Variants in TUBGCP2 observed in about 807,000 individuals in gnomAD.
The protein encoded by TUBGCP2 is gamma-tubulin complex component 2.
TUBGCP2 carries 55 observed loss-of-function variants against 92.2 expected under a neutral mutation model. That is an observed-to-expected ratio of 0.60 (90% CI 0.48 to 0.75). The LOEUF (loss-of-function observed/expected upper bound fraction) is 0.75, where lower values mean the gene tolerates loss of function less well. TUBGCP2 is among the 30% of genes least tolerant of loss of function. TUBGCP2 has a pLI of 0.00. For missense variants in TUBGCP2, 1,093 were observed against 1,188.9 expected (o/e 0.92, Z 1.19); for synonymous variants, 533 against 505.2 (o/e 1.06, Z -0.74).
intron 9 of TUBGCP2, among the ~76,000 whole-genome samples, chr10:133,289,388 C>T (rs151098716): frequency 1.5e-4 from 23 of 152,320 alleles, no homozygotes; most frequent in African/African-American, 5.3e-4. Flanking sequence ...GTGACGGCCC[C>T]GATGTGCCGA....
At chr10:133,309,377 A>T (rs368439360), upstream of TUBGCP2, 3 of 1,609,892 alleles carry the variant, frequency 1.9e-6, no homozygotes, top group African/African-American at 2.7e-5. Flanking sequence ...CCCACGGCGC[A>T]CTTTTCCTGC....
rs1564939618 is a variant in TUBGCP2, at chr10:133,291,950, C to CAT, written c.1214+548_1214+549insAT. On this transcript the variant is annotated intron_variant, in intron 8 of 17. Transcript: ENST00000252936. ...TCCCCCATGTCCCTCCGTGTCCCTC[C>CAT]GTGTCCCCGTGTCCCGGGGAGCCCT... 1.0e-3 allele frequency among the ~76,000 whole-genome samples: 20 copies of CAT among 19,104 alleles called. 2 individuals are homozygous for CAT. Among genetic ancestry groups the CAT allele is most frequent in the South Asian group, 3.1e-3 (1 of 318 alleles). The allele number at this position is 19,104 out of a possible 152,430, so 12.5% of individuals were successfully genotyped here.
chr10:133,298,118 A>C lies in TUBGCP2; in HGVS notation c.457-7T>G. ...TTCTTTTAAGTTCCAGAGACTAGCA[A>C]GGACATTTTAAAAAACAAAACCAGA... is the stretch of plus-strand genomic sequence containing the variant. On this transcript the variant is annotated splice_region_variant and splice_polypyrimidine_tract_variant and intron_variant, in intron 4 of 17. Transcript: ENST00000252936. 1 of 1,610,390 alleles carries C rather than the reference A, an allele frequency of 6.2e-7. No homozygotes were observed. The highest frequency in any genetic ancestry group is 1.1e-5 in the South Asian group (1 of 90,944).
At chr10:133,282,420 G>A in intron 15 of TUBGCP2, 78 bp from the exon 16 acceptor site, 1 of 1,500,416 alleles carries the variant, frequency 6.7e-7, no homozygotes, top group Non-Finnish European at 8.9e-7. Context: ...AGTCCTGCAG[G>A]CACGTCACCC....
chr10:133,281,865 C>T (rs946880201), intron 16 of TUBGCP2, among the ~76,000 whole-genome samples: 10 of 152,266 alleles, frequency 6.6e-5, no homozygotes, highest in African/African-American at 9.6e-5. Context: ...GCCATGCCTC[C>T]GAGGACATGC....
chr10:133,310,287 A>G, upstream of TUBGCP2: 1 of 1,613,918 alleles, frequency 6.2e-7, no homozygotes, highest in Non-Finnish European at 8.5e-7. Flanking sequence ...GAAAAGCAGA[A>G]GGTAGGGAGC....
chr10:133,308,843 C>A lies in TUBGCP2; in HGVS notation c.-60G>T. ...CTCACCGCAGTCCCGGAGCCACAGC[C>A]CCCGCGCAGCCCCCGACGGCGGCGG... On this transcript the variant is annotated 5_prime_UTR_variant, in exon 1 of 18. Coordinates refer to ENST00000252936, the MANE Select transcript of TUBGCP2 (RefSeq NM_006659.4). 4 of 1,046,454 alleles carry A rather than the reference C, an allele frequency of 3.8e-6. No individual in the cohort carries two copies. Among genetic ancestry groups the A allele is most frequent in the Non-Finnish European group, 4.8e-6 (4 of 830,270 alleles). 64.8% of individuals were successfully genotyped at this position (1,046,454 alleles called of 1,614,324 possible).
At chr10:133,289,097 G>A (rs537871543) in intron 9 of TUBGCP2, 77 bp from the exon 10 acceptor site, 1 of 1,517,894 alleles carries the variant, frequency 6.6e-7, no homozygotes, top group African/African-American at 1.4e-5. Flanking sequence ...CTACACAGGA[G>A]GCAGTGGAAT....
rs1363843506 is a variant in TUBGCP2 at position 133,291,270 on chromosome 10, CATGTCCCTCCGTGTCCCT to C, written c.1214+1211_1214+1228del. On this transcript the variant is annotated intron_variant, in intron 8 of 17. Transcript: ENST00000252936. ...GTCCCCCATGTCCCTCCGTGTCCCC[CATGTCCCTCCGTGTCCCT>C]GTGTCCCGGGGAGCCCTACCTGTAC... 7.0e-4 allele frequency among the ~76,000 whole-genome samples: 32 copies of C among 45,794 alleles called. No individual in the cohort carries two copies. The African/African-American group carries it at 7.8e-3, about 11-fold the overall frequency. 30.0% of individuals were successfully genotyped at this position (45,794 alleles called of 152,430 possible).
At chr10:133,297,200 G>A (rs1459964472) in intron 5 of TUBGCP2, 7 of 297,420 alleles carry the variant, frequency 2.4e-5, no homozygotes, top group Admixed American at 1.5e-4. Flanking sequence ...TCAGGAGTTC[G>A]AGACCAGTCT....
At chr10:133,312,297 G>T, upstream of TUBGCP2, 1 of 1,218,080 alleles carries the variant, frequency 8.2e-7, no homozygotes, top group Non-Finnish European at 1.0e-6. Context: ...CCTTTCTAGC[G>T]TCACCTGTGC....
Position 133,279,627 on chromosome 10 carries a change from A to G in TUBGCP2, c.*139T>C, listed in dbSNP as rs1216701500. ...AACGAAACCCAGCGCCTTGAGAAAC[A>G]AAGTGAGCTGAGTCAATCATTCCTG... is the stretch of plus-strand genomic sequence containing the variant. On this transcript the variant is annotated 3_prime_UTR_variant, in exon 18 of 18. Coordinates refer to ENST00000252936, the MANE Select transcript of TUBGCP2 (RefSeq NM_006659.4). The G allele has an allele frequency of 2.3e-6, 3 of 1,299,358 alleles. No individual in the cohort carries two copies. The highest frequency in any genetic ancestry group is 7.5e-5 in the Admixed American group (2 of 26,524). The allele number at this position is 1,299,358 out of a possible 1,614,324, so 80.5% of individuals were successfully genotyped here.
Position 133,289,833 on chromosome 10 carries a change from G to C in TUBGCP2, c.1351C>G (p.Leu451Val), listed in dbSNP as rs1156277163. 1 of 463,946 alleles carries C rather than the reference G, an allele frequency of 2.2e-6. No homozygotes were observed. The allele number at this position is 463,946 out of a possible 1,614,324, so 28.7% of individuals were successfully genotyped here. A position where few individuals can be genotyped will look rare whatever the true frequency, so the allele number is the denominator to read the frequency against. Residue 451 changes from leucine to valine, a missense_variant, in exon 9 of 18, where the codon CTC becomes GTC. Transcript: ENST00000252936. ...SFLQKMADKILSTGKYLNVVR... is the reference protein window; with the variant it reads ...SFLQKMADKIVSTGKYLNVVR... ...GCCCGCTGCGCCGCACCTGTGCTGA[G>C]GATCTTGTCCGCCATTTTCTGCAGG...
chr10:133,280,128 A>G (rs537783630), intron 17 of TUBGCP2, among the ~76,000 whole-genome samples: 15 of 152,316 alleles, frequency 9.8e-5, no homozygotes, highest in African/African-American at 3.6e-4. Flanking sequence ...TACAGAGACC[A>G]TAAGAGGCCC....
chr10:133,291,922 GTGTCCCCCA>G (rs1564939576), intron 8 of TUBGCP2, among the ~76,000 whole-genome samples: 6 of 29,540 alleles, frequency 2.0e-4, no homozygotes, highest in Non-Finnish European at 3.1e-4. Flanking sequence ...ATGTCCCTCC[GTGTCCCCCA>G]TGTCCCTCCG....
In TUBGCP2 at chr10:133,291,169, G is replaced by A. The variant is rs1847277514; in HGVS notation, c.1215-1200C>T. ...CCCCATGGGCAGCAGGCGGACATCT[G>A]CCCGGGGTGTGCTTTCCTGAGACCA... On this transcript the variant is annotated intron_variant, in intron 8 of 17. Transcript: ENST00000252936. The A allele has an allele frequency of 5.0e-6, 2 of 401,042 alleles. 1 individual carries two copies. Among genetic ancestry groups the A allele is most frequent in the East Asian group, 8.1e-5 (2 of 24,628 alleles). The allele number at this position is 401,042 out of a possible 1,614,324, so 24.8% of individuals were successfully genotyped here.
At chr10:133,310,445 C>T, upstream of TUBGCP2, 2 of 972,162 alleles carry the variant, frequency 2.1e-6, no homozygotes, top group East Asian at 2.6e-5. Flanking sequence ...AACACAGCTA[C>T]AGGTGGTTGT....
intron 1 of TUBGCP2, chr10:133,308,620 G>A (rs1041361672): frequency 1.6e-5 from 3 of 181,908 alleles, no homozygotes; most frequent in African/African-American, 7.0e-5. Flanking sequence ...CCGGCTGAGT[G>A]TCGGGCCGCG....
chr10:133,294,007 C>T (rs964437301), intron 5 of TUBGCP2, among the ~76,000 whole-genome samples: 3 of 152,338 alleles, frequency 2.0e-5, no homozygotes, highest in South Asian at 4.1e-4. Context: ...TCACCACACT[C>T]GGCTCCGCAA....
Sources: gnomAD v4.1 joint callset for allele counts (sites outside exome capture counted in the v4.1 genomes callset) on GRCh38, gnomAD v4.1.1 for gene constraint, MANE v1.5 for transcripts, NCBI Gene and HGNC (gene_info 2026-07-23, HGNC 2026-07-21) for gene names.